TMEM132C: variants seen among roughly 807,000 people sequenced by gnomAD.
The protein encoded by TMEM132C is transmembrane protein 132C, also known as protein phosphatase 1, regulatory subunit 152.
Under a neutral mutation model 61.4 loss-of-function variants are expected in TMEM132C, and 29 were observed. The ratio of observed to expected loss-of-function variants is 0.47; its 90% CI spans 0.35 to 0.64. The LOEUF is 0.64. Ranked by LOEUF, TMEM132C falls within the 30% of genes least tolerant of loss-of-function variation. The probability of loss-of-function intolerance (pLI) is 0.00; values close to 1 mark genes in which losing one functional copy is unlikely to be tolerated. For synonymous variants in TMEM132C, 656 were observed against 633.1 expected, an observed-to-expected ratio of 1.04 and a Z score of -0.54; for missense variants, 1,408 against 1,476.9, an observed-to-expected ratio of 0.95 and a Z score of 0.76.
chr12:128,669,144 T>C lies in TMEM132C; in HGVS notation c.1306-273T>C, dbSNP rs140088728. Among the ~76,000 whole-genome samples the C allele has an allele frequency of 2.0e-5, 3 of 152,262 alleles. No homozygotes were observed. The East Asian group carries it at 5.8e-4, about 29-fold the overall frequency. On this transcript the variant is annotated intron_variant, in intron 4 of 8. Transcript: ENST00000435159. Reference sequence around the variant, plus strand: ...TATTACTTCCACTTGGTCTCTGCAATAAAGAAAAAGAATAAATACTTTTTG... The same window carrying C: ...TATTACTTCCACTTGGTCTCTGCAACAAAGAAAAAGAATAAATACTTTTTG...
At chr12:128,467,962 T>C (rs1870795598) in intron 2 of TMEM132C, among the ~76,000 whole-genome samples, 1 of 152,198 alleles carries the variant, frequency 6.6e-6, no homozygotes, top group South Asian at 2.1e-4. Flanking sequence ...TACAGGTATG[T>C]GAACCTATGA....
chr12:128,573,898 C>CAA (rs10689177), intron 3 of TMEM132C, among the ~76,000 whole-genome samples: 103,828 of 142,826 alleles, frequency 0.73, 38,547 homozygotes, highest in Non-Finnish European at 0.82. Flanking sequence ...TTTTTGCAAT[C>CAA]AAAAAAAAAA....
At chr12:128,575,771 A>C (rs1288756758) in intron 3 of TMEM132C, among the ~76,000 whole-genome samples, 1 of 152,234 alleles carries the variant, frequency 6.6e-6, no homozygotes, top group Admixed American at 6.5e-5. Flanking sequence ...GTCAAGGACG[A>C]CGCACTATAC....
Position 128,543,951 on chromosome 12 carries a change from C to T in TMEM132C, c.975-6C>T. On this transcript the variant is annotated splice_region_variant and splice_polypyrimidine_tract_variant and intron_variant, in intron 2 of 8. Coordinates refer to ENST00000435159, the MANE Select transcript of TMEM132C (RefSeq NM_001136103.3). ...CTCTCTCTCTCTCCCATCTTCATCC[C>T]CACAGAGCCAAGGTGAAGAAGGGGG... 1 of 1,544,086 alleles carries T rather than the reference C, an allele frequency of 6.5e-7. No homozygotes were observed. Among genetic ancestry groups the T allele is most frequent in the Non-Finnish European group, 8.7e-7 (1 of 1,143,722 alleles).
intron 2 of TMEM132C, among the ~76,000 whole-genome samples, chr12:128,441,495 A>G (rs1869785580): frequency 6.6e-6 from 1 of 152,210 alleles, no homozygotes; most frequent in South Asian, 2.1e-4. Flanking sequence ...GCATCCAAAG[A>G]TATACTTCCA....
intron 4 of TMEM132C, among the ~76,000 whole-genome samples, chr12:128,650,245 C>T (rs1001088860): frequency 2.6e-5 from 4 of 152,258 alleles, no homozygotes; most frequent in African/African-American, 9.6e-5. Context: ...AGTCTAGAAG[C>T]CACATGCCTG....
At chr12:128,412,659 G>A (rs992165726) in intron 1 of TMEM132C, among the ~76,000 whole-genome samples, 17 of 152,098 alleles carry the variant, frequency 1.1e-4, no homozygotes, top group Non-Finnish European at 2.9e-5. Context: ...CTCTTCCTTT[G>A]CCTTCCACCA....
chr12:128,598,616 C>T (rs765825006), intron 3 of TMEM132C, among the ~76,000 whole-genome samples: 1 of 152,112 alleles, frequency 6.6e-6, no homozygotes, highest in Non-Finnish European at 1.5e-5. Flanking sequence ...AGTCTCTTCA[C>T]TCCCAATGGC....
At chr12:128,345,377 G>A (rs1193613028) in intron 1 of TMEM132C, among the ~76,000 whole-genome samples, 3 of 152,112 alleles carry the variant, frequency 2.0e-5, no homozygotes, top group African/African-American at 7.2e-5. Context: ...ATGTGTACGT[G>A]TGTCTTTAAA....
chr12:128,419,573 T>A (rs1389625093), intron 2 of TMEM132C, among the ~76,000 whole-genome samples: 2 of 124,632 alleles, frequency 1.6e-5, no homozygotes, highest in East Asian at 4.6e-4. Flanking sequence ...CCTACTAATC[T>A]TGTTTTTTTT....
chr12:128,650,023 TTA>T (rs1426154021), intron 4 of TMEM132C, among the ~76,000 whole-genome samples: 2 of 152,176 alleles, frequency 1.3e-5, no homozygotes, highest in Non-Finnish European at 2.9e-5. Flanking sequence ...AGCAGAGCTG[TTA>T]GCTATGTCCT....
intron 2 of TMEM132C, among the ~76,000 whole-genome samples, chr12:128,522,380 T>A (rs1872934619): frequency 6.6e-6 from 1 of 152,210 alleles, no homozygotes; most frequent in South Asian, 2.1e-4. Flanking sequence ...ATCAAAGGCT[T>A]TCCAGATTGC....
chr12:128,652,387 A>T (rs1340730757), intron 4 of TMEM132C, among the ~76,000 whole-genome samples: 1 of 152,212 alleles, frequency 6.6e-6, no homozygotes, highest in Non-Finnish European at 1.5e-5. Flanking sequence ...TGTTTACAAA[A>T]TTGGAAGAGA....
At chr12:128,392,046 G>A (rs1325824611) in intron 1 of TMEM132C, among the ~76,000 whole-genome samples, 1 of 125,894 alleles carries the variant, frequency 7.9e-6, no homozygotes, top group East Asian at 2.5e-4. Context: ...TGCTCTCTCT[G>A]TCTCTGTCTC....
At chr12:128,534,473 C>T (rs1873446531) in intron 2 of TMEM132C, among the ~76,000 whole-genome samples, 1 of 152,190 alleles carries the variant, frequency 6.6e-6, no homozygotes, top group South Asian at 2.1e-4. Context: ...TGAACTAGGG[C>T]CACCCTGGAT....
chr12:128,504,739 C>A (rs986970977), intron 2 of TMEM132C, among the ~76,000 whole-genome samples: 2 of 141,082 alleles, frequency 1.4e-5, no homozygotes, highest in African/African-American at 5.3e-5. Flanking sequence ...AGATAATCTT[C>A]ATTACCTCCT....
intron 1 of TMEM132C, among the ~76,000 whole-genome samples, chr12:128,315,473 G>A (rs1303443277): frequency 6.6e-6 from 1 of 151,960 alleles, no homozygotes; most frequent in Non-Finnish European, 1.5e-5. Flanking sequence ...GAGATTTGCT[G>A]CCAGTCCTGC....
chr12:128,412,984 G>A (rs150255977), intron 1 of TMEM132C, among the ~76,000 whole-genome samples: 3 of 152,200 alleles, frequency 2.0e-5, no homozygotes, highest in African/African-American at 7.2e-5. Flanking sequence ...TGAATGTTGT[G>A]TCAAAATATT....
intron 2 of TMEM132C, among the ~76,000 whole-genome samples, chr12:128,491,030 G>A (rs576643274): frequency 6.6e-6 from 1 of 152,306 alleles, no homozygotes; most frequent in African/African-American, 2.4e-5. Context: ...TCAAGGTGTA[G>A]AGTGAGTAAG....
Sources: gnomAD v4.1 joint callset for allele counts (sites outside exome capture counted in the v4.1 genomes callset) on GRCh38, gnomAD v4.1.1 for gene constraint, MANE v1.5 for transcripts, NCBI Gene and HGNC (gene_info 2026-07-23, HGNC 2026-07-21) for gene names.